EDIL3: variants seen among roughly 807,000 people sequenced by gnomAD.
EDIL3 encodes EGF-like repeat and discoidin I-like domain-containing protein 3.
In EDIL3, 37 loss-of-function variants were observed where a neutral mutation model predicts 67.4. The ratio of observed to expected loss-of-function variants is 0.55; its 90% CI spans 0.42 to 0.72. The LOEUF (loss-of-function observed/expected upper bound fraction) is 0.72, where lower values mean the gene tolerates loss of function less well. Ranked by LOEUF, EDIL3 falls within the 30% of genes least tolerant of loss-of-function variation. The pLI is 0.00. For synonymous variants in EDIL3, 195 were observed against 196.3 expected, an observed-to-expected ratio of 0.99 and a Z score of 0.05; for missense variants, 527 against 586.3, an observed-to-expected ratio of 0.90 and a Z score of 1.04.
chr5:84,276,045 G>C (rs980804766), intron 1 of EDIL3, among the ~76,000 whole-genome samples: 6 of 152,050 alleles, frequency 3.9e-5, no homozygotes, highest in African/African-American at 9.7e-5. Context: ...GTGTTGCTGG[G>C]ATCTCTCTTA....
At chr5:84,143,012 C>A (rs1179364979) in intron 4 of EDIL3, among the ~76,000 whole-genome samples, 1 of 152,002 alleles carries the variant, frequency 6.6e-6, no homozygotes, top group East Asian at 1.9e-4. Context: ...TTAGCTATTA[C>A]ATATTCTCCA....
At chr5:84,343,481 T>A (rs1480867555) in intron 1 of EDIL3, among the ~76,000 whole-genome samples, 1 of 152,052 alleles carries the variant, frequency 6.6e-6, no homozygotes, top group Non-Finnish European at 1.5e-5. Context: ...GAAATAAATT[T>A]TCTAGTTGAT....
chr5:84,014,197 C>T (rs773808541), intron 9 of EDIL3, among the ~76,000 whole-genome samples: 1 of 152,146 alleles, frequency 6.6e-6, no homozygotes, highest in Admixed American at 6.6e-5. Context: ...TAGTCACATA[C>T]CGCTGATTCT....
At chr5:84,347,290 C>T (rs1239161007) in intron 1 of EDIL3, among the ~76,000 whole-genome samples, 2 of 152,206 alleles carry the variant, frequency 1.3e-5, no homozygotes, top group African/African-American at 2.4e-5. Flanking sequence ...AGTTACTCAT[C>T]TCACACTGCT....
chr5:83,960,333 G>A (rs912912232), intron 10 of EDIL3, among the ~76,000 whole-genome samples: 2 of 151,070 alleles, frequency 1.3e-5, no homozygotes, highest in Non-Finnish European at 3.0e-5. Flanking sequence ...TTAGTAAATA[G>A]TATGCATCAA....
At chr5:84,259,411 T>C (rs1260681878) in intron 1 of EDIL3, among the ~76,000 whole-genome samples, 2 of 152,228 alleles carry the variant, frequency 1.3e-5, no homozygotes, top group East Asian at 1.9e-4. Flanking sequence ...TGTAGCATTA[T>C]ACTTTGATGT....
At chr5:84,071,675 C>T (rs150831937) in intron 6 of EDIL3, among the ~76,000 whole-genome samples, 204 of 152,292 alleles carry the variant, frequency 1.3e-3, no homozygotes, top group African/African-American at 4.4e-3. Flanking sequence ...GGATGGATTG[C>T]TGAGATTTCT....
intron 10 of EDIL3, among the ~76,000 whole-genome samples, chr5:83,962,599 A>C (rs898071878): frequency 2.0e-5 from 3 of 151,600 alleles, no homozygotes; most frequent in Non-Finnish European, 4.4e-5. Flanking sequence ...ATAAAATTCA[A>C]AGTAGATCAT....
chr5:84,359,152 A>C (rs1444801176), intron 1 of EDIL3, among the ~76,000 whole-genome samples: 1 of 152,188 alleles, frequency 6.6e-6, no homozygotes, highest in Non-Finnish European at 1.5e-5. Flanking sequence ...GATAGTTTAA[A>C]TATGTGGAGT....
At chr5:83,991,639 C>T (rs1357763749) in intron 9 of EDIL3, among the ~76,000 whole-genome samples, 1 of 152,074 alleles carries the variant, frequency 6.6e-6, no homozygotes, top group African/African-American at 2.4e-5. Flanking sequence ...AGTATCGTGG[C>T]GACTTGGTAC....
chr5:83,951,414 G>T (rs1231444428), intron 10 of EDIL3, among the ~76,000 whole-genome samples: 1 of 151,684 alleles, frequency 6.6e-6, no homozygotes, highest in Non-Finnish European at 1.5e-5. Context: ...TATAGCCCAA[G>T]AAATTCTTTA....
At chr5:84,094,761 C>T (rs1347261198) in intron 6 of EDIL3, among the ~76,000 whole-genome samples, 7 of 152,090 alleles carry the variant, frequency 4.6e-5, no homozygotes, top group African/African-American at 1.7e-4. Flanking sequence ...ACTTAATTCC[C>T]TTTTGGGCCG....
chr5:84,091,267 T>C (rs1354437785), intron 6 of EDIL3, among the ~76,000 whole-genome samples: 2 of 152,198 alleles, frequency 1.3e-5, no homozygotes, highest in East Asian at 3.9e-4. Context: ...ATAAGAACAA[T>C]ACTGGTTAGA....
chr5:84,236,372 T>C (rs1193850377), intron 2 of EDIL3, among the ~76,000 whole-genome samples: 1 of 152,100 alleles, frequency 6.6e-6, no homozygotes, highest in Admixed American at 6.6e-5. Flanking sequence ...AGTTAGGTGA[T>C]TTGATATAAT....
In EDIL3 at chr5:84,254,209, T is replaced by A; in HGVS notation, c.71A>T (p.Asp24Val). The change falls in exon 2 of 11, where the codon GAT becomes GTT. Residue 24 changes from aspartate (D) to valine (V), a missense_variant. By Grantham distance (152) the Asp-to-Val change is radical (BLOSUM62 -3). Around this residue, in one of 2 missense-constraint regions of EDIL3, gnomAD observed 494 missense variants for 522.5 expected, o/e 0.95. Transcript: ENST00000296591. ...TTCACATGGATTGGGATCACAAATA[T>A]CACCTAAGGCATAAAAAAAAACCGA... ...SLGVPQFGKG[D>V]ICDPNPCENG... 6.2e-7 allele frequency: 1 copy of A among 1,608,506 alleles called. No individual in the cohort carries two copies.
intron 1 of EDIL3, among the ~76,000 whole-genome samples, chr5:84,258,631 C>A (rs1239569006): frequency 6.6e-6 from 1 of 152,100 alleles, no homozygotes; most frequent in Non-Finnish European, 1.5e-5. Context: ...TCCACGGGGA[C>A]CCACAAACCC....
At chr5:84,000,232 G>A (rs1745308901) in intron 9 of EDIL3, among the ~76,000 whole-genome samples, 1 of 152,000 alleles carries the variant, frequency 6.6e-6, no homozygotes, top group Non-Finnish European at 1.5e-5. Context: ...GTAATAGTAA[G>A]TACACAGGCA....
chr5:83,985,106 T>G (rs957401429), intron 9 of EDIL3, among the ~76,000 whole-genome samples: 3 of 151,976 alleles, frequency 2.0e-5, no homozygotes, highest in Admixed American at 6.6e-5. Context: ...AGGAAAAATG[T>G]AGGAGAATGG....
At chr5:84,294,163 C>CACG (rs1440624228) in intron 1 of EDIL3, among the ~76,000 whole-genome samples, 3 of 150,370 alleles carry the variant, frequency 2.0e-5, no homozygotes, top group Non-Finnish European at 4.4e-5. Flanking sequence ...ACGGGTGGAT[C>CACG]ACGAGGTCAG....
Sources: gnomAD v4.1 joint callset for allele counts (sites outside exome capture counted in the v4.1 genomes callset) on GRCh38, gnomAD v4.1.1 for gene constraint, gnomAD v4.1.1 regional missense constraint, MANE v1.5 for transcripts, NCBI Gene and HGNC (gene_info 2026-07-23, HGNC 2026-07-21) for gene names.